KCNIP4: variants seen among roughly 807,000 people sequenced by gnomAD.
KCNIP4 encodes Kv channel-interacting protein 4.
In KCNIP4, 12 loss-of-function variants were observed where a neutral mutation model predicts 34.0. The ratio of observed to expected loss-of-function variants is 0.35; its 90% CI spans 0.23 to 0.57. KCNIP4 has a LOEUF of 0.57. KCNIP4 is among the 20% of genes least tolerant of loss of function. The pLI is 0.83. For synonymous variants in KCNIP4, 124 were observed against 102.2 expected, an observed-to-expected ratio of 1.21 and a Z score of -1.29; for missense variants, 238 against 311.7, an observed-to-expected ratio of 0.76 and a Z score of 1.78.
intron 1 of KCNIP4, among the ~76,000 whole-genome samples, chr4:21,352,209 G>C (rs995801013): frequency 6.6e-6 from 1 of 152,136 alleles, no homozygotes; most frequent in Non-Finnish European, 1.5e-5. Context: ...CAGTGTGATC[G>C]ATGCAGAAGA....
At chr4:21,563,358 C>T (rs1460856097) in intron 1 of KCNIP4, among the ~76,000 whole-genome samples, 3 of 152,066 alleles carry the variant, frequency 2.0e-5, no homozygotes, top group African/African-American at 7.2e-5. Flanking sequence ...CAAATTTTTA[C>T]ATAAAGTCTG....
At chr4:21,742,035 T>G (rs372551517) in intron 1 of KCNIP4, among the ~76,000 whole-genome samples, 2 of 152,026 alleles carry the variant, frequency 1.3e-5, no homozygotes, top group East Asian at 3.9e-4. Flanking sequence ...AGACTCCATC[T>G]CAAAATAAAC....
chr4:21,314,166 A>G (rs780813792), intron 1 of KCNIP4, among the ~76,000 whole-genome samples: 9 of 152,118 alleles, frequency 5.9e-5, no homozygotes, highest in African/African-American at 9.7e-5. Flanking sequence ...TCTGTCTGCA[A>G]TGTGGTAGGT....
chr4:21,049,292 G>A (rs1278478087), intron 1 of KCNIP4, among the ~76,000 whole-genome samples: 1 of 152,118 alleles, frequency 6.6e-6, no homozygotes, highest in East Asian at 1.9e-4. Flanking sequence ...AGACATTGCA[G>A]AGCAGAGATA....
chr4:21,809,696 C>A (rs1225189557), intron 1 of KCNIP4, among the ~76,000 whole-genome samples: 1 of 152,106 alleles, frequency 6.6e-6, no homozygotes, highest in African/African-American at 2.4e-5. Context: ...AGTTTCCTTA[C>A]TTATTTAAAC....
chr4:21,796,308 C>T (rs1397869311), intron 1 of KCNIP4, among the ~76,000 whole-genome samples: 1 of 152,124 alleles, frequency 6.6e-6, no homozygotes, highest in Non-Finnish European at 1.5e-5. Flanking sequence ...AACTCCCTCC[C>T]TACATCAGCT....
At position 21,650,403 on chromosome 4, in the gene KCNIP4, T is replaced by C. The variant is rs114873324; in HGVS notation, c.61+298168A>G. ...GAGGACACTGGTAAAATCTTTCTAG[T>C]ACAAATCATAAAATAACAAAAATAA... On this transcript the variant is annotated intron_variant, in intron 1 of 8. Coordinates refer to ENST00000382152, the MANE Select transcript of KCNIP4 (RefSeq NM_025221.6). 2.1e-3 allele frequency among the ~76,000 whole-genome samples: 318 copies of C among 152,306 alleles called. 1 individual carries two copies. Among genetic ancestry groups the C allele is most frequent in the African/African-American group, 5.8e-3 (240 of 41,582 alleles).
At chr4:21,943,152 T>G (rs1274846876) in intron 1 of KCNIP4, among the ~76,000 whole-genome samples, 1 of 152,194 alleles carries the variant, frequency 6.6e-6, no homozygotes, top group Non-Finnish European at 1.5e-5. Context: ...CATCAAAAAG[T>G]CAACAGAACA....
intron 1 of KCNIP4, among the ~76,000 whole-genome samples, chr4:21,621,172 A>G (rs1744972493): frequency 1.3e-5 from 2 of 152,234 alleles, no homozygotes; most frequent in South Asian, 4.1e-4. Flanking sequence ...AACCAAAACT[A>G]CTCAAATTTA....
At chr4:21,448,329 G>C (rs911729424) in intron 1 of KCNIP4, among the ~76,000 whole-genome samples, 1 of 152,054 alleles carries the variant, frequency 6.6e-6, no homozygotes, top group African/African-American at 2.4e-5. Context: ...AAAGTTAAAG[G>C]CTTTTTTAAG....
At chr4:21,029,910 A>C (rs1344957989) in intron 1 of KCNIP4, among the ~76,000 whole-genome samples, 3 of 152,226 alleles carry the variant, frequency 2.0e-5, no homozygotes, top group Admixed American at 6.5e-5. Flanking sequence ...AAAAAACCTT[A>C]GTCTCAATAG....
rs560051200 is a variant in KCNIP4, at chr4:21,741,041, A to T, written c.61+207530T>A. ...AGGGACTTGGAGAGACAGTGTGGAA[A>T]AATAAGCCCATGGTGGGCTTATTTT... On this transcript the variant is annotated intron_variant, in intron 1 of 8. Coordinates refer to ENST00000382152, the MANE Select transcript of KCNIP4 (RefSeq NM_025221.6). 3.2e-4 allele frequency among the ~76,000 whole-genome samples: 49 copies of T among 152,290 alleles called. 1 individual carries two copies. The South Asian group carries it at 9.3e-3, about 29-fold the overall frequency.
intron 1 of KCNIP4, among the ~76,000 whole-genome samples, chr4:21,507,421 C>T (rs975060198): frequency 3.3e-5 from 5 of 151,910 alleles, no homozygotes; most frequent in Non-Finnish European, 5.9e-5. Flanking sequence ...CATGCCGACA[C>T]GACCAGCTAA....
intron 1 of KCNIP4, among the ~76,000 whole-genome samples, chr4:21,457,872 TA>T (rs1560425024): frequency 6.6e-6 from 1 of 152,038 alleles, no homozygotes; most frequent in Non-Finnish European, 1.5e-5. Flanking sequence ...CATACACACA[TA>T]CAAAAATAAT....
chr4:21,029,784 C>G (rs1740848853), intron 1 of KCNIP4, among the ~76,000 whole-genome samples: 1 of 152,158 alleles, frequency 6.6e-6, no homozygotes, highest in African/African-American at 2.4e-5. Context: ...CCTTTATGCT[C>G]CTACACCAAC....
At chr4:21,423,908 A>G (rs1042217331) in intron 1 of KCNIP4, among the ~76,000 whole-genome samples, 5 of 151,820 alleles carry the variant, frequency 3.3e-5, no homozygotes, top group African/African-American at 1.2e-4. Context: ...CCTGGGTTCA[A>G]GCGATTCTCC....
chr4:21,739,710 G>T (rs1238902393), intron 1 of KCNIP4, among the ~76,000 whole-genome samples: 1 of 152,068 alleles, frequency 6.6e-6, no homozygotes, highest in Non-Finnish European at 1.5e-5. Flanking sequence ...AGTTATGCTT[G>T]TTAAAATAAG....
intron 1 of KCNIP4, among the ~76,000 whole-genome samples, chr4:21,253,893 C>T (rs1760886580): frequency 6.6e-6 from 1 of 152,118 alleles, no homozygotes; most frequent in South Asian, 2.1e-4. Context: ...TACTGATATG[C>T]TACAACATGG....
At chr4:21,912,226 G>A (rs919943375) in intron 1 of KCNIP4, among the ~76,000 whole-genome samples, 1 of 152,100 alleles carries the variant, frequency 6.6e-6, no homozygotes, top group Non-Finnish European at 1.5e-5. Context: ...GTGTTCAAGG[G>A]GTTTGATGAC....
Sources: allele counts gnomAD v4.1 joint callset (sites outside exome capture counted in the v4.1 genomes callset), GRCh38; gene constraint gnomAD v4.1.1; transcripts MANE v1.5; gene names NCBI Gene and HGNC (gene_info 2026-07-23, HGNC 2026-07-21).